Variants in PCDHGA11 observed in about 807,000 individuals in gnomAD.
PCDHGA11 encodes protocadherin gamma-A11.
Under a neutral mutation model 60.4 loss-of-function variants are expected in PCDHGA11, and 39 were observed. That is an observed-to-expected ratio of 0.65 (90% confidence interval 0.50 to 0.84). The LOEUF (loss-of-function observed/expected upper bound fraction) is 0.84. Among genes scored for constraint, PCDHGA11 ranks in the 40% least tolerant of loss-of-function variants. PCDHGA11 has a pLI of 0.00. For synonymous variants in PCDHGA11, 533 were observed against 510.3 expected (o/e 1.04, Z -0.60); for missense variants, 1,165 against 1,197.7 (o/e 0.97, Z 0.40).
Position 141,421,817 on chromosome 5 carries a change from T to A in PCDHGA11, c.590T>A (p.Leu197Gln), listed in dbSNP as rs375019903. 2.1e-5 allele frequency: 34 copies of A among 1,613,662 alleles called. No individual in the cohort carries two copies. Among genetic ancestry groups the A allele is most frequent in the Non-Finnish European group, 2.8e-5 (33 of 1,179,890 alleles). The part of the protein sequence containing the change: ...TDGAKNPELV[L>Q]EGSLDREKEA... ...GGGGCCAAGAATCCAGAGCTAGTAC[T>A]GGAGGGAAGCCTGGACCGAGAGAAA... is the stretch of plus-strand genomic sequence containing the variant. Residue 197 changes from leucine to glutamine, a missense_variant, in exon 1 of 4, where the codon CTG (leucine) becomes CAG (glutamine). Leu to Gln is a moderately radical substitution (Grantham distance 113). Transcript: ENST00000398587.
In PCDHGA11 at chr5:141,489,198, C is replaced by G; in HGVS notation, c.2434-5609C>G. 1 of 1,392,402 alleles carries G rather than the reference C, an allele frequency of 7.2e-7. No individual in the cohort carries two copies. Among genetic ancestry groups the G allele is most frequent in the South Asian group, 1.4e-5 (1 of 71,348 alleles). The allele number at this position is 1,392,402 out of a possible 1,614,324, so 86.3% of individuals were successfully genotyped here. A position where few individuals can be genotyped will look rare whatever the true frequency, so the allele number is the denominator to read the frequency against. On this transcript the variant is annotated intron_variant, in intron 1 of 3. Coordinates refer to ENST00000398587, the MANE Select transcript of PCDHGA11 (RefSeq NM_018914.3). This position sits in a 1 kb window ranked among gnomAD's most constrained non-coding sequence, Gnocchi z 4.5. ...CCAAGCCCTGGGTCTACCTTGGAGA[C>G]AGGACAGCACAGACTTACTCTCCAC...
rs1210499024 is a variant in PCDHGA11 at position 141,431,784 on chromosome 5, A to T, written c.2433+8124A>T. ...CTGATCACTGTTCTGGACGTGAACG[A>T]CAATGCCCCAGAAGTGGTCCTCACC... On this transcript the variant is annotated intron_variant, in intron 1 of 3. Transcript: ENST00000398587. This position sits in a 1 kb window ranked among gnomAD's most constrained non-coding sequence, Gnocchi z 4.8. The T allele has an allele frequency of 6.2e-7, 1 of 1,614,102 alleles. No homozygotes were observed. The highest frequency in any genetic ancestry group is 8.5e-7 in the Non-Finnish European group (1 of 1,180,030).
At chr5:141,430,373 A>G (rs1456234962) in intron 1 of PCDHGA11, among the ~76,000 whole-genome samples, 1 of 151,170 alleles carries the variant, frequency 6.6e-6, no homozygotes, top group Non-Finnish European at 1.5e-5. Flanking sequence ...GGGAAAAAAA[A>G]GCTCATTGGG....
Position 141,491,742 on chromosome 5 carries a change from C to CA in PCDHGA11, c.2434-3064dup. The CA allele has an allele frequency of 3.1e-6, 5 of 1,596,114 alleles. No individual in the cohort carries two copies. Among genetic ancestry groups the CA allele is most frequent in the Non-Finnish European group, 4.3e-6 (5 of 1,172,424 alleles). ...CGCCCCGGGCGACCCCTGGGGGCGG[C>CA]ACTGGAGAAGCCGCCCGTCCTCATA... On this transcript the variant is annotated intron_variant, in intron 1 of 3. Coordinates refer to ENST00000398587, the MANE Select transcript of PCDHGA11 (RefSeq NM_018914.3). This position sits in a 1 kb window ranked among gnomAD's most constrained non-coding sequence, Gnocchi z 6.9.
At chr5:141,495,209 C>T (rs548415564) in intron 2 of PCDHGA11, among the ~76,000 whole-genome samples, 1 of 152,342 alleles carries the variant, frequency 6.6e-6, no homozygotes, top group Admixed American at 6.5e-5. Flanking sequence ...GCCTAACCCC[C>T]TCCCCTGAGT....
intron 1 of PCDHGA11, among the ~76,000 whole-genome samples, chr5:141,492,622 C>A (rs2099742615): frequency 6.6e-6 from 1 of 152,218 alleles, no homozygotes; most frequent in South Asian, 2.1e-4. Flanking sequence ...GCCGGGCGGG[C>A]AGGACTCTAC....
At chr5:141,509,094 T>C (rs1038935185) in intron 3 of PCDHGA11, among the ~76,000 whole-genome samples, 4 of 152,152 alleles carry the variant, frequency 2.6e-5, no homozygotes, top group African/African-American at 9.7e-5. Context: ...AAATGGGGGC[T>C]GTAGAAACCT....
chr5:141,442,798 A>G (rs1055527090), intron 1 of PCDHGA11, among the ~76,000 whole-genome samples: 1 of 152,256 alleles, frequency 6.6e-6, no homozygotes, highest in East Asian at 1.9e-4. Flanking sequence ...TTTTACTTTG[A>G]TATTCAAATT....
At chr5:141,484,899 T>G (rs1296997337) in intron 1 of PCDHGA11, 9 of 398,498 alleles carry the variant, frequency 2.3e-5, no homozygotes, top group Non-Finnish European at 3.1e-5. Flanking sequence ...TCCCCTCCAA[T>G]GCTGCGACGC....
chr5:141,510,954 T>G lies in PCDHGA11; in HGVS notation c.2589T>G (p.Ala863=), dbSNP rs774590102. The change falls in exon 4 of 4, where the codon GCT becomes GCG. Residue 863 remains alanine, a synonymous_variant. Coordinates refer to ENST00000398587, the MANE Select transcript of PCDHGA11 (RefSeq NM_018914.3). ...AMILASASEA[A]DGSSTLGGGA... ...CTTCCTCTGTCTCTGCAGAAGCTGC[T>G]GATGGGAGCTCCACCCTGGGAGGGG... is the stretch of plus-strand genomic sequence containing the variant. The G allele has an allele frequency of 3.1e-6, 5 of 1,614,162 alleles. No homozygotes were observed. The Admixed American group carries it at 8.3e-5, about 27-fold the overall frequency.
rs760017836 is a variant in PCDHGA11, at chr5:141,432,060, C to G, written c.2433+8400C>G. 1.2e-6 allele frequency: 2 copies of G among 1,614,200 alleles called. No homozygotes were observed. The highest frequency in any genetic ancestry group is 1.7e-6 in the Non-Finnish European group (2 of 1,180,048). ...GACCGGGGAACCCCGCCCCTATCCACGGAAACTCATATCTCGCTGAACGTG... is the reference window on the plus strand; with the variant it reads ...GACCGGGGAACCCCGCCCCTATCCAGGGAAACTCATATCTCGCTGAACGTG... On this transcript the variant is annotated intron_variant, in intron 1 of 3. Coordinates refer to ENST00000398587, the MANE Select transcript of PCDHGA11 (RefSeq NM_018914.3). The surrounding 1 kb of genome is among the most constrained non-coding windows in gnomAD (Gnocchi z 6.0).
At chr5:141,473,131 A>G (rs1262205483) in intron 1 of PCDHGA11, among the ~76,000 whole-genome samples, 2 of 152,214 alleles carry the variant, frequency 1.3e-5, no homozygotes, top group Admixed American at 6.5e-5. Context: ...TTGGCAAACT[A>G]TATTATCTCT....
chr5:141,432,934 G>A lies in PCDHGA11; in HGVS notation c.2433+9274G>A. The stretch of plus-strand genomic sequence containing the variant: ...GGCGCTGGCACAAGTCACGCCTGCT[G>A]CAGGCTTCAGGAGGCGGCTTGACAG... On this transcript the variant is annotated intron_variant, in intron 1 of 3. Transcript: ENST00000398587. This position sits in a 1 kb window ranked among gnomAD's most constrained non-coding sequence, Gnocchi z 6.0. 1.9e-6 allele frequency: 3 copies of A among 1,614,196 alleles called. No individual in the cohort carries two copies. Among genetic ancestry groups the A allele is most frequent in the Non-Finnish European group, 2.5e-6 (3 of 1,180,040 alleles).
Position 141,485,210 on chromosome 5 carries a change from C to T in PCDHGA11, c.2434-9597C>T, listed in dbSNP as rs2099609472. 1.2e-6 allele frequency: 2 copies of T among 1,614,058 alleles called. No individual in the cohort carries two copies. The highest frequency in any genetic ancestry group is 1.3e-5 in the African/African-American group (1 of 75,046). ...GGTGAGAAGCTGGACAGAAATCTGG[C>T]GGTGGGCTACCCTTTTGTTCCTCTT... On this transcript the variant is annotated intron_variant, in intron 1 of 3. Coordinates refer to ENST00000398587, the MANE Select transcript of PCDHGA11 (RefSeq NM_018914.3). The surrounding 1 kb of genome is among the most constrained non-coding windows in gnomAD (Gnocchi z 5.7).
At chr5:141,508,681 C>T (rs970069) in intron 3 of PCDHGA11, among the ~76,000 whole-genome samples, 26,289 of 151,984 alleles carry the variant, frequency 0.17, 2,539 homozygotes, top group Admixed American at 0.29. Flanking sequence ...CTCCCTTCTC[C>T]CTGCTTCTCC....
intron 2 of PCDHGA11, among the ~76,000 whole-genome samples, chr5:141,504,479 G>T (rs1270717855): frequency 6.6e-6 from 1 of 152,100 alleles, no homozygotes; most frequent in African/African-American, 2.4e-5. Context: ...TGGGAGTACA[G>T]TGGAGGCACC....
rs2154594676 is a variant in PCDHGA11, at chr5:141,511,333, G to A, written c.*160G>A. 6.9e-7 allele frequency: 1 copy of A among 1,441,948 alleles called. No homozygotes were observed. Among genetic ancestry groups the A allele is most frequent in the Non-Finnish European group, 9.2e-7 (1 of 1,085,894 alleles). The allele number at this position is 1,441,948 out of a possible 1,614,324, so 89.3% of individuals were successfully genotyped here. On this transcript the variant is annotated 3_prime_UTR_variant, in exon 4 of 4. Transcript: ENST00000398587. Reference sequence around the variant, plus strand: ...GGAAACAGAAACAAGTGCCCAGTCAGCACCTACCCCTTCCCCCCCAGGGGG... The same window carrying A: ...GGAAACAGAAACAAGTGCCCAGTCAACACCTACCCCTTCCCCCCCAGGGGG...
Position 141,431,062 on chromosome 5 carries a change from G to C in PCDHGA11, c.2433+7402G>C, listed in dbSNP as rs2097341170. On this transcript the variant is annotated intron_variant, in intron 1 of 3. Coordinates refer to ENST00000398587, the MANE Select transcript of PCDHGA11 (RefSeq NM_018914.3). This position sits in a 1 kb window ranked among gnomAD's most constrained non-coding sequence, Gnocchi z 4.8. ...AGGAGCTCTGTATGGGGGCCATCAA[G>C]TGTCAATTAAATCTAGACATTCTGA... 6.2e-7 allele frequency: 1 copy of C among 1,614,212 alleles called. No individual in the cohort carries two copies. The highest frequency in any genetic ancestry group is 1.3e-5 in the African/African-American group (1 of 75,084).
intron 1 of PCDHGA11, among the ~76,000 whole-genome samples, chr5:141,488,854 A>G (rs923370040): frequency 1.3e-5 from 2 of 152,226 alleles, no homozygotes; most frequent in Admixed American, 1.3e-4. Context: ...AACCTGCAGC[A>G]CGAAGTGAGT....
Sources: gnomAD v4.1 joint callset for allele counts (sites outside exome capture counted in the v4.1 genomes callset) on GRCh38, gnomAD v4.1.1 for gene constraint, Gnocchi (gnomAD v3.1) non-coding constraint, MANE v1.5 for transcripts, NCBI Gene and HGNC (gene_info 2026-07-23, HGNC 2026-07-21) for gene names.